The following CORO2B variants were observed in gnomAD, a reference collection of about 807,000 sequenced individuals.
CORO2B encodes coronin 2B.
In CORO2B, 26 loss-of-function variants were observed where a neutral mutation model predicts 58.8. That is an observed-to-expected ratio of 0.44 (90% CI 0.32 to 0.61). The LOEUF is 0.61. CORO2B is among the 20% of genes least tolerant of loss of function. CORO2B has a pLI of 0.04. For synonymous variants in CORO2B, 242 were observed against 253.8 expected (o/e 0.95, Z 0.44); for missense variants, 460 against 645.1 (o/e 0.71, Z 3.11).
At chr15:68,585,543 AG>A (rs1025577680) in intron 1 of CORO2B, among the ~76,000 whole-genome samples, 1 of 152,160 alleles carries the variant, frequency 6.6e-6, no homozygotes, top group Non-Finnish European at 1.5e-5. Flanking sequence ...GGTGGGGAGC[AG>A]GGATTTGTAC....
chr15:68,544,878 G>T, the CORO2B span, among the ~76,000 whole-genome samples: 5 of 151,654 alleles, frequency 3.3e-5, no homozygotes, highest in Non-Finnish European at 7.4e-5. Flanking sequence ...CGGGGTTCAC[G>T]CCATTCTCCT....
intron 1 of CORO2B, among the ~76,000 whole-genome samples, chr15:68,585,571 C>T (rs1299075955): frequency 6.6e-6 from 1 of 152,154 alleles, no homozygotes; most frequent in African/African-American, 2.4e-5. Flanking sequence ...TGTCTGACTC[C>T]AGAGAACACT....
chr15:68,540,508 G>A, the CORO2B span, among the ~76,000 whole-genome samples: 2 of 152,156 alleles, frequency 1.3e-5, no homozygotes, highest in Non-Finnish European at 1.5e-5. Context: ...TGTTTTTCAA[G>A]CAAAACCAGT....
At chr15:68,649,461 A>C (rs1346893591) in intron 2 of CORO2B, among the ~76,000 whole-genome samples, 2 of 152,204 alleles carry the variant, frequency 1.3e-5, no homozygotes, top group African/African-American at 2.4e-5. Flanking sequence ...TGGGGTAAAC[A>C]AATTAGGGAA....
chr15:68,572,074 G>T, the CORO2B span, among the ~76,000 whole-genome samples: 6 of 152,204 alleles, frequency 3.9e-5, no homozygotes, highest in African/African-American at 7.2e-5. Flanking sequence ...GGGCATCTGG[G>T]AAGGGGCTGT....
At chr15:68,631,654 G>A (rs1037621879) in intron 1 of CORO2B, among the ~76,000 whole-genome samples, 16 of 152,334 alleles carry the variant, frequency 1.1e-4, no homozygotes, top group Admixed American at 2.6e-4. Context: ...CTCAACACGT[G>A]TAAAGAGAAC....
intron 1 of CORO2B, among the ~76,000 whole-genome samples, chr15:68,604,664 C>T (rs143290272): frequency 5.5e-4 from 84 of 151,806 alleles, no homozygotes; most frequent in African/African-American, 2.0e-3. Context: ...CCCAATTCCT[C>T]ATCCCAGCAT....
intron 2 of CORO2B, among the ~76,000 whole-genome samples, chr15:68,684,492 ATG>A (rs1596012325): frequency 6.6e-6 from 1 of 152,078 alleles, no homozygotes; most frequent in South Asian, 2.1e-4. Flanking sequence ...GCACGTACAT[ATG>A]TGTGTGTGTG....
At chr15:68,563,678 A>G in the CORO2B span, among the ~76,000 whole-genome samples, 1 of 152,140 alleles carries the variant, frequency 6.6e-6, no homozygotes, top group Non-Finnish European at 1.5e-5. Context: ...GACTCATATC[A>G]CTAATGTCAG....
At chr15:68,676,280 G>A (rs1046530374) in intron 2 of CORO2B, among the ~76,000 whole-genome samples, 5 of 152,180 alleles carry the variant, frequency 3.3e-5, no homozygotes, top group African/African-American at 7.2e-5. Context: ...GACTGCTAGC[G>A]TCCGCATCTG....
intron 2 of CORO2B, among the ~76,000 whole-genome samples, chr15:68,646,719 C>A (rs1315836374): frequency 6.6e-6 from 1 of 152,228 alleles, no homozygotes; most frequent in Non-Finnish European, 1.5e-5. Flanking sequence ...CCTCTGCCTA[C>A]ATCTGTCATG....
chr15:68,527,821 GTAGTTT>G, the CORO2B span, among the ~76,000 whole-genome samples: 14 of 152,064 alleles, frequency 9.2e-5, no homozygotes, highest in African/African-American at 3.4e-4. Flanking sequence ...GCAGTATTTT[GTAGTTT>G]TCAAAGTATA....
At chr15:68,618,696 G>A (rs999034845) in intron 1 of CORO2B, among the ~76,000 whole-genome samples, 12 of 152,202 alleles carry the variant, frequency 7.9e-5, no homozygotes, top group African/African-American at 2.9e-4. Flanking sequence ...TGTTGCAAAA[G>A]AGGAAAATGG....
Position 68,683,186 on chromosome 15 carries a change from G to A in CORO2B, c.217-11954G>A, listed in dbSNP as rs1186082498. 3.9e-5 allele frequency among the ~76,000 whole-genome samples: 6 copies of A among 152,258 alleles called. No homozygotes were observed. In the East Asian group the frequency reaches 5.8e-4, roughly 15 times the overall value. On this transcript the variant is annotated intron_variant, in intron 2 of 11. Transcript: ENST00000261861. The stretch of plus-strand genomic sequence containing the variant: ...TCCTCCATGCCTATATCTCTCTCTA[G>A]GCCACCCCCAGTTGGGATAGATTCC...
the CORO2B span, among the ~76,000 whole-genome samples, chr15:68,564,090 A>G: frequency 6.6e-6 from 1 of 152,196 alleles, no homozygotes; most frequent in South Asian, 2.1e-4. Flanking sequence ...TCTTTTTATA[A>G]ACATTAGATG....
At chr15:68,632,872 G>A (rs184456378) in intron 1 of CORO2B, among the ~76,000 whole-genome samples, 62 of 152,342 alleles carry the variant, frequency 4.1e-4, no homozygotes, top group Non-Finnish European at 6.0e-4. Context: ...GATTACAGGC[G>A]TGAGCCACCA....
intron 2 of CORO2B, among the ~76,000 whole-genome samples, chr15:68,676,029 G>T (rs1161964221): frequency 6.6e-6 from 1 of 152,220 alleles, no homozygotes; most frequent in Non-Finnish European, 1.5e-5. Context: ...TAGGGAAGGG[G>T]ACAGGGGTGT....
intron 3 of CORO2B, among the ~76,000 whole-genome samples, chr15:68,705,451 A>AAAAAAAAAAAG (rs2140322366): frequency 6.6e-6 from 1 of 151,638 alleles, no homozygotes; most frequent in South Asian, 2.1e-4. Flanking sequence ...AAAAAAAAAA[A>AAAAAAAAAAAG]AAAGAAAGTA....
chr15:68,541,245 A>AG, the CORO2B span, among the ~76,000 whole-genome samples: 12 of 150,982 alleles, frequency 7.9e-5, no homozygotes, highest in Non-Finnish European at 1.8e-4. Context: ...AAATAAAAAA[A>AG]GGAAGAAAAT....
Sources: allele counts gnomAD v4.1 joint callset (sites outside exome capture counted in the v4.1 genomes callset), GRCh38; gene constraint gnomAD v4.1.1; transcripts MANE v1.5; gene names NCBI Gene and HGNC (gene_info 2026-07-23, HGNC 2026-07-21).